CTNNA2: variants seen among roughly 807,000 people sequenced by gnomAD.
CTNNA2 encodes the protein catenin alpha 2.
In CTNNA2, 42 loss-of-function variants were observed where a neutral mutation model predicts 101.0. The observed-to-expected ratio is 0.42, with a 90% CI of 0.32 to 0.54. The LOEUF (loss-of-function observed/expected upper bound fraction) is 0.54. Ranked by LOEUF, CTNNA2 falls within the 20% of genes least tolerant of loss-of-function variation. The pLI, the probability that CTNNA2 is intolerant of heterozygous loss-of-function variation, is 0.14. For missense variants in CTNNA2, 871 were observed against 1,223.1 expected, an observed-to-expected ratio of 0.71 and a Z score of 4.29; for synonymous variants, 450 against 456.4, an observed-to-expected ratio of 0.99 and a Z score of 0.18.
At chr2:80,614,467 T>C (rs1698691445) in intron 17 of CTNNA2, among the ~76,000 whole-genome samples, 1 of 151,352 alleles carries the variant, frequency 6.6e-6, no homozygotes, top group Admixed American at 6.6e-5. Context: ...TATCAGAGAC[T>C]TGAGCATCCT....
rs1203560397 is a variant in CTNNA2 at position 79,909,660 on chromosome 2, C to G, written c.919C>G (p.Leu307Val). 1 of 1,613,716 alleles carries G rather than the reference C, an allele frequency of 6.2e-7. No individual in the cohort carries two copies. Among genetic ancestry groups the G allele is most frequent in the African/African-American group, 1.3e-5 (1 of 74,932 alleles). The change falls in exon 7 of 19, where the codon CTG (leucine) becomes GTG (valine). Residue 307 changes from leucine to valine, a missense_variant. Leu to Val is a conservative substitution (Grantham distance 32). This residue lies in a region of CTNNA2 where 647 missense variants were observed against 831.5 expected (regional missense o/e 0.78). Transcript: ENST00000402739. ...ARFRPSLEERLESIISGAALM... is the reference protein window; with the variant it reads ...ARFRPSLEERVESIISGAALM... ...GTTCCGGCCGTCCCTGGAGGAGAGG[C>G]TGGAGAGCATCATCAGCGGCGCAGC...
chr2:79,293,395 A>T (rs1401766059), intron 2 of CTNNA2: 3 of 152,214 alleles, frequency 2.0e-5, no homozygotes, highest in Admixed American at 6.5e-5. Context: ...ATATGAATGC[A>T]TTAAGAAATA....
chr2:80,111,514 A>G (rs1376358626), intron 7 of CTNNA2, among the ~76,000 whole-genome samples: 2 of 152,116 alleles, frequency 1.3e-5, no homozygotes, highest in Non-Finnish European at 2.9e-5. Flanking sequence ...CCCTTTACCT[A>G]TGAAGGGCTT....
At chr2:79,758,069 C>T (rs1386560975) in intron 3 of CTNNA2, among the ~76,000 whole-genome samples, 2 of 152,042 alleles carry the variant, frequency 1.3e-5, no homozygotes, top group Admixed American at 6.6e-5. Context: ...ATGATCTTTC[C>T]GATAGATCAT....
chr2:80,393,535 A>G (rs955349259), intron 8 of CTNNA2, among the ~76,000 whole-genome samples: 2 of 152,224 alleles, frequency 1.3e-5, no homozygotes, highest in African/African-American at 4.8e-5. Context: ...AATCTGTCCC[A>G]GTGGAGACTG....
intron 4 of CTNNA2, among the ~76,000 whole-genome samples, chr2:79,472,580 T>C (rs1485178689): frequency 6.6e-6 from 1 of 152,196 alleles, no homozygotes; most frequent in Non-Finnish European, 1.5e-5. Context: ...TTTCATCCCA[T>C]TTTTTGCCCC....
At chr2:79,453,678 G>A (rs1670781136) in intron 4 of CTNNA2, among the ~76,000 whole-genome samples, 1 of 152,126 alleles carries the variant, frequency 6.6e-6, no homozygotes. Flanking sequence ...TTTCAGAAAA[G>A]GAGGCTGGGT....
Position 80,648,000 on chromosome 2 carries a change from C to A in CTNNA2, c.*128C>A. On this transcript the variant is annotated 3_prime_UTR_variant, in exon 19 of 19. Coordinates refer to ENST00000402739, the MANE Select transcript of CTNNA2 (RefSeq NM_001282597.3). ...CATGGGGAAATTAAGGGAACAGTGT[C>A]TGTTTGCATGTAAGATGAGATGAGA... 1 of 848,330 alleles carries A rather than the reference C, an allele frequency of 1.2e-6. No individual in the cohort carries two copies. Among genetic ancestry groups the A allele is most frequent in the Non-Finnish European group, 1.8e-6 (1 of 561,156 alleles). The allele number at this position is 848,330 out of a possible 1,614,324, so 52.6% of individuals were successfully genotyped here. A position where few individuals can be genotyped will look rare whatever the true frequency, so the allele number is the denominator to read the frequency against.
intron 7 of CTNNA2, among the ~76,000 whole-genome samples, chr2:80,333,378 A>C (rs1269299732): frequency 6.6e-6 from 1 of 152,188 alleles, no homozygotes; most frequent in African/African-American, 2.4e-5. Flanking sequence ...AGATGAATTC[A>C]ATCTGGTGTC....
At position 79,272,716 on chromosome 2, in the gene CTNNA2, C is replaced by A. The variant is rs373272763; in HGVS notation, c.-405-39993C>A. Among the ~76,000 whole-genome samples, 4 of 152,106 alleles carry A rather than the reference C, an allele frequency of 2.6e-5. No individual in the cohort carries two copies. The East Asian group carries it at 7.8e-4, about 30-fold the overall frequency. Reference sequence around the variant, plus strand: ...AAGTGTTTAAACAGCAATAATTACACCCATTTATTTTCATCATTTCATTGT... The same window carrying A: ...AAGTGTTTAAACAGCAATAATTACAACCATTTATTTTCATCATTTCATTGT... On this transcript the variant is annotated intron_variant, in intron 2 of 21. Transcript: ENST00000466387.
intron 12 of CTNNA2, among the ~76,000 whole-genome samples, chr2:80,572,057 G>A (rs182987314): frequency 5.5e-4 from 83 of 152,216 alleles, no homozygotes; most frequent in Non-Finnish European, 1.0e-3. Context: ...AAATCACAGG[G>A]AGTGGATTTT....
rs777267019 is a variant in CTNNA2, at chr2:79,869,837, G to A, written c.487G>A (p.Val163Ile). Residue 163 changes from valine to isoleucine, a missense_variant, in exon 5 of 19, where the codon GTC (valine) becomes ATC (isoleucine). Coordinates refer to ENST00000402739, the MANE Select transcript of CTNNA2 (RefSeq NM_001282597.3). ...GCAGGTGGAAGAGGCCCTGGAAGCT[G>A]TCAAAAATGCTACAAATGAGCAAGA... ...LKIVEEALEA[V>I]KNATNEQDLA... 1 of 1,614,016 alleles carries A rather than the reference G, an allele frequency of 6.2e-7. No homozygotes were observed. Among genetic ancestry groups the A allele is most frequent in the Non-Finnish European group, 8.5e-7 (1 of 1,179,978 alleles).
chr2:79,485,199 C>A (rs1671145427), intron 4 of CTNNA2, among the ~76,000 whole-genome samples: 1 of 151,502 alleles, frequency 6.6e-6, no homozygotes. Context: ...TTCCTATGAT[C>A]AAGGAATGCT....
At chr2:79,930,673 G>C (rs1035376407) in intron 7 of CTNNA2, among the ~76,000 whole-genome samples, 1 of 152,166 alleles carries the variant, frequency 6.6e-6, no homozygotes, top group African/African-American at 2.4e-5. Context: ...GGCTAAACTG[G>C]AAGTTATATT....
At chr2:79,976,136 A>C (rs1010094037) in intron 7 of CTNNA2, among the ~76,000 whole-genome samples, 2 of 152,240 alleles carry the variant, frequency 1.3e-5, no homozygotes, top group African/African-American at 4.8e-5. Flanking sequence ...GAAACAGAGA[A>C]GAAGATCAAA....
At chr2:79,330,608 C>T (rs1359373758) in intron 3 of CTNNA2, among the ~76,000 whole-genome samples, 1 of 152,148 alleles carries the variant, frequency 6.6e-6, no homozygotes, top group Non-Finnish European at 1.5e-5. Context: ...CCCAGAATTC[C>T]CACGTGTCAT....
At chr2:80,050,924 T>C (rs1436007421) in intron 7 of CTNNA2, among the ~76,000 whole-genome samples, 1 of 152,156 alleles carries the variant, frequency 6.6e-6, no homozygotes, top group Non-Finnish European at 1.5e-5. Context: ...AGTCTCACTA[T>C]GTTGCCCAGG....
intron 7 of CTNNA2, among the ~76,000 whole-genome samples, chr2:80,114,049 T>C (rs1701372760): frequency 6.6e-6 from 1 of 152,206 alleles, no homozygotes; most frequent in Non-Finnish European, 1.5e-5. Flanking sequence ...GGGTGCCCCC[T>C]TTCTGATGGG....
At chr2:80,496,500 A>G (rs554033510) in intron 9 of CTNNA2, among the ~76,000 whole-genome samples, 1 of 151,656 alleles carries the variant, frequency 6.6e-6, no homozygotes, top group Non-Finnish European at 1.5e-5. Context: ...CTGAGTTTAA[A>G]TCCAAGCTCT....
Sources: gnomAD v4.1 joint callset for allele counts (sites outside exome capture counted in the v4.1 genomes callset) on GRCh38, gnomAD v4.1.1 for gene constraint, gnomAD v4.1.1 regional missense constraint, MANE v1.5 for transcripts, NCBI Gene and HGNC (gene_info 2026-07-23, HGNC 2026-07-21) for gene names.